RUNX1: variants seen among roughly 807,000 people sequenced by gnomAD.
RUNX1 encodes RUNX family transcription factor 1, also known as runt-related transcription factor 1.
RUNX1 carries 19 observed loss-of-function variants against 42.8 expected under a neutral mutation model. That is an observed-to-expected ratio of 0.44 (90% confidence interval 0.31 to 0.65). The LOEUF (loss-of-function observed/expected upper bound fraction) is 0.65. Ranked by LOEUF, RUNX1 falls within the 30% of genes least tolerant of loss-of-function variation. The pLI, the probability that RUNX1 is intolerant of heterozygous loss-of-function variation, is 0.07. For missense variants in RUNX1, 528 were observed against 672.0 expected (o/e 0.79, Z 2.37); for synonymous variants, 271 against 289.4 (o/e 0.94, Z 0.64).
chr21:34,903,290 T>C (rs2058191809), intron 2 of RUNX1, among the ~76,000 whole-genome samples: 1 of 152,222 alleles, frequency 6.6e-6, no homozygotes, highest in Non-Finnish European at 1.5e-5. Flanking sequence ...TTTCACTATG[T>C]ATATTACAAA....
chr21:34,885,726 C>T (rs560399792), intron 4 of RUNX1, among the ~76,000 whole-genome samples: 1 of 152,258 alleles, frequency 6.6e-6, no homozygotes, highest in Admixed American at 6.5e-5. Flanking sequence ...AATTAATCTC[C>T]CTTTAAAGGG....
At chr21:34,988,688 C>T (rs543758173) in intron 2 of RUNX1, among the ~76,000 whole-genome samples, 11 of 152,282 alleles carry the variant, frequency 7.2e-5, no homozygotes, top group African/African-American at 2.6e-4. Flanking sequence ...CCTACTCATC[C>T]CCTCACCTGA....
intron 2 of RUNX1, among the ~76,000 whole-genome samples, chr21:34,962,266 G>T (rs973854530): frequency 6.6e-6 from 1 of 152,038 alleles, no homozygotes; most frequent in Non-Finnish European, 1.5e-5. Flanking sequence ...TGCACTGTTT[G>T]CTCCCACTAA....
Position 34,961,313 on chromosome 21 carries a change from C to T in RUNX1, c.59-68350G>A, listed in dbSNP as rs148076358. On this transcript the variant is annotated intron_variant, in intron 2 of 8. Transcript: ENST00000675419. The stretch of plus-strand genomic sequence containing the variant: ...CGGATGTTACAGTGAGCTGAGATTG[C>T]GCCACTGCACTCCAGCCTGGTGACA... Among the ~76,000 whole-genome samples the T allele has an allele frequency of 7.7e-3, 1,173 of 151,962 alleles. 14 individuals are homozygous for T. Among genetic ancestry groups the T allele is most frequent in the African/African-American group, 0.027 (1,097 of 41,392 alleles).
rs1050980535 is a variant in RUNX1 at position 34,826,366 on chromosome 21, G to A, written c.805+8044C>T. Among the ~76,000 whole-genome samples, 4 of 151,646 alleles carry A rather than the reference G, an allele frequency of 2.6e-5. No homozygotes were observed. In the East Asian group the frequency reaches 5.8e-4, roughly 22 times the overall value. On this transcript the variant is annotated intron_variant, in intron 7 of 8. Transcript: ENST00000675419. ...GCAGCAAGGACCCCACCAGATGCCA[G>A]CACCATGCTCTTGGACTTCCCTGCC...
At chr21:34,846,194 C>CTTCTTT (rs1201995651) in intron 6 of RUNX1, among the ~76,000 whole-genome samples, 4 of 102,240 alleles carry the variant, frequency 3.9e-5, no homozygotes, top group South Asian at 3.8e-4. Context: ...TTAAGGATGT[C>CTTCTTT]TTTTTTTTTT....
At chr21:34,826,182 G>T (rs867115091) in intron 7 of RUNX1, among the ~76,000 whole-genome samples, 21 of 152,286 alleles carry the variant, frequency 1.4e-4, no homozygotes, top group Middle Eastern at 3.4e-3. Context: ...GTGTTGATGA[G>T]GCCTTTGCAG....
intron 2 of RUNX1, among the ~76,000 whole-genome samples, chr21:34,911,543 A>G (rs1329407919): frequency 6.6e-6 from 1 of 152,142 alleles, no homozygotes; most frequent in Non-Finnish European, 1.5e-5. Context: ...CCTCCTGGGC[A>G]GCGAATGTCT....
chr21:34,999,064 T>C (rs1373868010), intron 2 of RUNX1, among the ~76,000 whole-genome samples: 1 of 152,224 alleles, frequency 6.6e-6, no homozygotes, highest in Non-Finnish European at 1.5e-5. Context: ...TGAGTTGTGC[T>C]GGCCATCAGC....
chr21:35,028,427 T>G (rs980265704), intron 2 of RUNX1, among the ~76,000 whole-genome samples: 4 of 152,212 alleles, frequency 2.6e-5, no homozygotes, highest in African/African-American at 9.6e-5. Context: ...ACTTCCTCAC[T>G]GCCCTCTGAG....
chr21:35,038,613 CTG>C (rs34145318), intron 2 of RUNX1: 4,233 of 277,984 alleles, frequency 0.015, 42 homozygotes, highest in East Asian at 0.03. Context: ...CTCTCTCTCT[CTG>C]TGTGTGTGTG....
chr21:34,852,265 A>G (rs996374599), intron 6 of RUNX1, among the ~76,000 whole-genome samples: 2 of 152,196 alleles, frequency 1.3e-5, no homozygotes, highest in African/African-American at 4.8e-5. Flanking sequence ...AAGAATACAC[A>G]GGCCACGCCA....
chr21:34,965,004 G>A (rs1414349515), intron 2 of RUNX1, among the ~76,000 whole-genome samples: 1 of 151,512 alleles, frequency 6.6e-6, no homozygotes, highest in East Asian at 1.9e-4. Flanking sequence ...ACTCACATAC[G>A]TGCACACACC....
At chr21:34,969,721 C>A (rs2058747633) in intron 2 of RUNX1, among the ~76,000 whole-genome samples, 1 of 150,488 alleles carries the variant, frequency 6.6e-6, no homozygotes, top group African/African-American at 2.5e-5. Context: ...AATGACTGCA[C>A]TCGTGGGTGA....
chr21:35,035,192 A>G (rs1261071531), intron 2 of RUNX1, among the ~76,000 whole-genome samples: 2 of 152,236 alleles, frequency 1.3e-5, no homozygotes, highest in Non-Finnish European at 2.9e-5. Context: ...TATTCTATGT[A>G]TTTCTGATTC....
intron 2 of RUNX1, among the ~76,000 whole-genome samples, chr21:34,944,139 C>T (rs930380176): frequency 6.6e-6 from 1 of 152,084 alleles, no homozygotes; most frequent in Non-Finnish European, 1.5e-5. Flanking sequence ...CTCTCAAGTA[C>T]CTGGGACTAC....
At chr21:35,010,196 T>C (rs1182063316) in intron 2 of RUNX1, among the ~76,000 whole-genome samples, 1 of 106,976 alleles carries the variant, frequency 9.3e-6, no homozygotes, top group Non-Finnish European at 2.1e-5. Context: ...TTTCAAGGTG[T>C]TTTTTTTTCC....
chr21:34,870,925 T>A (rs1455785942), intron 5 of RUNX1, among the ~76,000 whole-genome samples: 1 of 152,040 alleles, frequency 6.6e-6, no homozygotes, highest in African/African-American at 2.4e-5. Flanking sequence ...GACACTGCAT[T>A]CCAGCCTGGT....
intron 7 of RUNX1, among the ~76,000 whole-genome samples, chr21:34,815,971 C>T (rs1444183389): frequency 1.3e-5 from 2 of 152,048 alleles, no homozygotes; most frequent in East Asian, 3.9e-4. Flanking sequence ...ATGGAGACTT[C>T]CTAGGCTCCT....
Sources: gnomAD v4.1 joint callset for allele counts (sites outside exome capture counted in the v4.1 genomes callset) on GRCh38, gnomAD v4.1.1 for gene constraint, MANE v1.5 for transcripts, NCBI Gene and HGNC (gene_info 2026-07-23, HGNC 2026-07-21) for gene names.